The following LIPI variants were observed in gnomAD, a reference collection of about 807,000 sequenced individuals.
The protein encoded by LIPI is lipase member I.
In LIPI, 59 loss-of-function variants were observed where a neutral mutation model predicts 50.6. That is an observed-to-expected ratio of 1.16 (90% CI 0.94 to 1.45). The LOEUF (loss-of-function observed/expected upper bound fraction) is 1.45. Among genes scored for constraint, LIPI ranks in the 40% most tolerant of loss-of-function variants. The probability of loss-of-function intolerance (pLI) is 0.00; values close to 1 mark genes in which losing one functional copy is unlikely to be tolerated. For synonymous variants in LIPI, 203 were observed against 178.2 expected, an observed-to-expected ratio of 1.14 and a Z score of -1.11; for missense variants, 586 against 536.3, an observed-to-expected ratio of 1.09 and a Z score of -0.92.
At chr21:14,179,113 G>T (rs557743857) in intron 4 of LIPI, among the ~76,000 whole-genome samples, 1 of 152,104 alleles carries the variant, frequency 6.6e-6, no homozygotes, top group African/African-American at 2.4e-5. Context: ...CTATCTTTTG[G>T]ATATTGGACT....
At chr21:14,169,257 A>C (rs1182711741) in intron 4 of LIPI, among the ~76,000 whole-genome samples, 2 of 152,100 alleles carry the variant, frequency 1.3e-5, no homozygotes, top group East Asian at 3.9e-4. Flanking sequence ...CCCACACATT[A>C]ATAATGGGAG....
At chr21:14,185,149 A>T (rs1449967993) in intron 3 of LIPI, among the ~76,000 whole-genome samples, 1 of 152,216 alleles carries the variant, frequency 6.6e-6, no homozygotes, top group Non-Finnish European at 1.5e-5. Flanking sequence ...AATCCATATC[A>T]GCCTTATTAG....
At chr21:14,117,952 G>A (rs903060246) in intron 9 of LIPI, among the ~76,000 whole-genome samples, 2 of 152,048 alleles carry the variant, frequency 1.3e-5, no homozygotes, top group Non-Finnish European at 2.9e-5. Flanking sequence ...TGTCATGGAT[G>A]TGGTCACAGT....
intron 9 of LIPI, among the ~76,000 whole-genome samples, chr21:14,139,627 A>C (rs922414436): frequency 3.9e-5 from 6 of 152,204 alleles, no homozygotes; most frequent in Non-Finnish European, 5.9e-5. Flanking sequence ...ACATAAGTAC[A>C]GAGGACAGTA....
At chr21:14,128,403 T>G in intron 9 of LIPI, among the ~76,000 whole-genome samples, 1 of 152,064 alleles carries the variant, frequency 6.6e-6, no homozygotes, top group Non-Finnish European at 1.5e-5. Context: ...TAGTTTCAAG[T>G]CATTGCAAAG....
intron 1 of LIPI, among the ~76,000 whole-genome samples, chr21:14,203,276 C>T (rs887151420): frequency 1.7e-4 from 26 of 151,964 alleles, no homozygotes; most frequent in African/African-American, 3.4e-4. Context: ...GTCAGTGTGG[C>T]GATTCCTCAG....
chr21:14,151,926 C>T (rs758258243), intron 8 of LIPI, among the ~76,000 whole-genome samples: 3 of 151,952 alleles, frequency 2.0e-5, no homozygotes, highest in Non-Finnish European at 2.9e-5. Flanking sequence ...AATTGTGTCA[C>T]TCTATTTAAA....
At chr21:14,202,627 C>A (rs2020096070) in intron 1 of LIPI, among the ~76,000 whole-genome samples, 1 of 152,108 alleles carries the variant, frequency 6.6e-6, no homozygotes, top group Non-Finnish European at 1.5e-5. Context: ...ACTGGCTAGC[C>A]ATATGTAGAA....
chr21:14,126,691 A>G (rs2017080929), intron 9 of LIPI, among the ~76,000 whole-genome samples: 1 of 152,224 alleles, frequency 6.6e-6, no homozygotes, highest in South Asian at 2.1e-4. Flanking sequence ...TGCATAAACT[A>G]TATGTAAATA....
chr21:14,197,255 C>T (rs991756995), intron 1 of LIPI, among the ~76,000 whole-genome samples: 1 of 151,810 alleles, frequency 6.6e-6, no homozygotes, highest in African/African-American at 2.4e-5. Flanking sequence ...AATGATAAAA[C>T]ACTAGGGCAT....
intron 9 of LIPI, among the ~76,000 whole-genome samples, chr21:14,121,651 G>A (rs1230010864): frequency 1.3e-5 from 2 of 152,028 alleles, no homozygotes; most frequent in Non-Finnish European, 2.9e-5. Flanking sequence ...ACCACCCTCG[G>A]GCCCTTATGG....
chr21:14,195,862 A>G (rs2019825862), intron 1 of LIPI, among the ~76,000 whole-genome samples: 1 of 152,160 alleles, frequency 6.6e-6, no homozygotes, highest in Non-Finnish European at 1.5e-5. Flanking sequence ...CGACATCACT[A>G]GTCATCAAAA....
intron 9 of LIPI, among the ~76,000 whole-genome samples, chr21:14,136,531 G>A (rs1275449117): frequency 6.6e-6 from 1 of 152,162 alleles, no homozygotes; most frequent in African/African-American, 2.4e-5. Flanking sequence ...TGTAATTTGA[G>A]TGCCAGCTCA....
intron 9 of LIPI, among the ~76,000 whole-genome samples, chr21:14,137,889 C>T (rs2017562393): frequency 6.6e-6 from 1 of 152,144 alleles, no homozygotes; most frequent in African/African-American, 2.4e-5. Flanking sequence ...TGTTATGGAG[C>T]TCCAGTACTC....
At chr21:14,121,569 C>A (rs2016862924) in intron 9 of LIPI, among the ~76,000 whole-genome samples, 1 of 152,116 alleles carries the variant, frequency 6.6e-6, no homozygotes. Flanking sequence ...AGAAACAATA[C>A]CTGTTAGCCT....
chr21:14,175,380 T>C (rs2019058349), intron 4 of LIPI, among the ~76,000 whole-genome samples: 1 of 152,230 alleles, frequency 6.6e-6, no homozygotes, highest in Admixed American at 6.5e-5. Context: ...TATATGTTTA[T>C]TGCCTATTCA....
At chr21:14,176,175 C>CA (rs35536134) in intron 4 of LIPI, among the ~76,000 whole-genome samples, 1,739 of 111,532 alleles carry the variant, frequency 0.016, 30 homozygotes, top group East Asian at 0.041. Context: ...GACTCCGTCT[C>CA]AAAAAAAAAA....
chr21:14,182,301 T>A (rs1261873980), intron 3 of LIPI, among the ~76,000 whole-genome samples: 1 of 152,212 alleles, frequency 6.6e-6, no homozygotes, highest in Non-Finnish European at 1.5e-5. Context: ...TAATTTGGGC[T>A]ATGGGATAAA....
intron 7 of LIPI, among the ~76,000 whole-genome samples, chr21:14,153,301 A>G (rs1197507768): frequency 1.3e-5 from 2 of 151,938 alleles, no homozygotes; most frequent in Non-Finnish European, 2.9e-5. Flanking sequence ...AGTTTTGTGC[A>G]CCCCCCTTCT....
Sources: allele counts gnomAD v4.1 joint callset (sites outside exome capture counted in the v4.1 genomes callset), GRCh38; gene constraint gnomAD v4.1.1; transcripts MANE v1.5; gene names NCBI Gene and HGNC (gene_info 2026-07-23, HGNC 2026-07-21).